TNRC6B: variants seen among roughly 807,000 people sequenced by gnomAD.
The protein encoded by TNRC6B is trinucleotide repeat-containing gene 6B protein.
Under a neutral mutation model 203.6 loss-of-function variants are expected in TNRC6B, and 52 were observed. The ratio of observed to expected loss-of-function variants is 0.26; its 90% CI spans 0.20 to 0.32. The LOEUF is 0.32. TNRC6B is among the 10% of genes least tolerant of loss of function. TNRC6B has a pLI of 1.00. For synonymous variants in TNRC6B, 838 were observed against 845.7 expected, an observed-to-expected ratio of 0.99 and a Z score of 0.16; for missense variants, 1,923 against 2,286.2, an observed-to-expected ratio of 0.84 and a Z score of 3.24.
chr22:40,067,314 C>A (rs1041389810), intron 1 of TNRC6B, among the ~76,000 whole-genome samples: 4 of 151,992 alleles, frequency 2.6e-5, no homozygotes, highest in African/African-American at 4.8e-5. Flanking sequence ...GTAGCATGAG[C>A]GCATATCTGT....
intron 1 of TNRC6B, among the ~76,000 whole-genome samples, chr22:40,179,021 T>C (rs1230310801): frequency 1.3e-5 from 2 of 152,220 alleles, no homozygotes; most frequent in East Asian, 1.9e-4. Flanking sequence ...ACTGAGTTTT[T>C]CAGCATAAAT....
intron 1 of TNRC6B, among the ~76,000 whole-genome samples, chr22:40,207,418 A>AAT (rs55644816): frequency 0.021 from 2,656 of 128,584 alleles, 55 homozygotes; most frequent in Middle Eastern, 0.055. Flanking sequence ...AAAAAAAAAA[A>AAT]ATATATATAT....
chr22:40,160,936 A>G (rs2146357803), intron 4 of TNRC6B, among the ~76,000 whole-genome samples: 1 of 152,072 alleles, frequency 6.6e-6, no homozygotes, highest in East Asian at 1.9e-4. Flanking sequence ...TTTATTGGCC[A>G]TTTATTTTTA....
intron 1 of TNRC6B, among the ~76,000 whole-genome samples, chr22:40,220,460 A>G (rs2069692601): frequency 6.7e-6 from 1 of 150,088 alleles, no homozygotes; most frequent in African/African-American, 2.4e-5. Context: ...AGTGACTTAG[A>G]TGGGAGATTG....
rs953542778 is a variant in TNRC6B at position 40,315,843 on chromosome 22, C to G, written c.4904-99C>G. 4 of 923,334 alleles carry G rather than the reference C, an allele frequency of 4.3e-6. 1 individual carries two copies. Among genetic ancestry groups the G allele is most frequent in the Non-Finnish European group, 6.7e-6 (4 of 594,476 alleles). The allele number at this position is 923,334 out of a possible 1,614,324, so 57.2% of individuals were successfully genotyped here. On this transcript the variant is annotated intron_variant, in intron 20 of 22. Coordinates refer to ENST00000454349, the MANE Select transcript of TNRC6B (RefSeq NM_001162501.2). ...CAGTGGAAAAGAGAATTTATAAAAG[C>G]AGAGAAGAAATGTGAGCTACATGAA...
intron 13 of TNRC6B, 68 bp from the exon 14 acceptor site, chr22:40,300,842 C>A (rs1195864012): frequency 1.3e-6 from 2 of 1,482,486 alleles, no homozygotes; most frequent in East Asian, 2.4e-5. Flanking sequence ...TGCACAGACC[C>A]TTTAGGTGTC....
At chr22:40,179,546 C>G (rs1227826861) in intron 1 of TNRC6B, among the ~76,000 whole-genome samples, 9 of 152,096 alleles carry the variant, frequency 5.9e-5, no homozygotes, top group Admixed American at 5.9e-4. Flanking sequence ...TGTCATATCC[C>G]CATCATTAAA....
At chr22:40,150,892 C>A (rs1172245931) in intron 3 of TNRC6B, among the ~76,000 whole-genome samples, 1 of 152,166 alleles carries the variant, frequency 6.6e-6, no homozygotes, top group African/African-American at 2.4e-5. Context: ...CCTTCCTGAT[C>A]ACCCTCCAGA....
intron 2 of TNRC6B, among the ~76,000 whole-genome samples, chr22:40,125,333 C>T (rs922770581): frequency 2.0e-5 from 3 of 152,066 alleles, no homozygotes; most frequent in East Asian, 1.9e-4. Flanking sequence ...ATTATAAGCC[C>T]GGGAAACCCT....
intron 10 of TNRC6B, among the ~76,000 whole-genome samples, chr22:40,280,804 T>C (rs2146522478): frequency 6.6e-6 from 1 of 152,314 alleles, no homozygotes; most frequent in East Asian, 1.9e-4. Flanking sequence ...CTGGCTTCTG[T>C]TTCAGCAGCC....
Position 40,298,082 on chromosome 22 carries a change from G to A in TNRC6B, c.3709-2373G>A, listed in dbSNP as rs189423979. On this transcript the variant is annotated intron_variant, in intron 12 of 22. Transcript: ENST00000454349. ...GGAGCTTGCAGTGAGCCGAGATTGCGCCACTGCACTCCAGCCTGAGCAACA... is the reference window on the plus strand; with the variant it reads ...GGAGCTTGCAGTGAGCCGAGATTGCACCACTGCACTCCAGCCTGAGCAACA... Among the ~76,000 whole-genome samples the A allele has an allele frequency of 1.3e-3, 189 of 146,714 alleles. 2 individuals are homozygous for A. Among genetic ancestry groups the A allele is most frequent in the Admixed American group, 7.3e-3 (108 of 14,826 alleles).
intron 3 of TNRC6B, among the ~76,000 whole-genome samples, chr22:40,151,546 AAAAAAAG>A (rs1320340006): frequency 2.7e-4 from 17 of 63,168 alleles, no homozygotes; most frequent in South Asian, 1.8e-3. Context: ...TCAAAAAAAA[AAAAAAAG>A]AAAAAAGAAA....
intron 1 of TNRC6B, among the ~76,000 whole-genome samples, chr22:40,242,493 C>T (rs111341972): frequency 2.0e-5 from 3 of 150,010 alleles, no homozygotes; most frequent in African/African-American, 4.9e-5. Flanking sequence ...TGCAGTGGCA[C>T]GATTTCGGCC....
At chr22:40,273,400 G>T in intron 6 of TNRC6B, 25 bp from the exon 7 acceptor site, 1 of 1,570,494 alleles carries the variant, frequency 6.4e-7, no homozygotes, top group Admixed American at 1.9e-5. Flanking sequence ...CTGTTGCAAA[G>T]AGTTAATTCA....
chr22:40,100,555 A>G (rs2068230519), intron 1 of TNRC6B, among the ~76,000 whole-genome samples: 1 of 152,156 alleles, frequency 6.6e-6, no homozygotes, highest in Admixed American at 6.5e-5. Flanking sequence ...ATTAAAAAAA[A>G]AAATTTATAG....
chr22:40,326,023 A>G lies in TNRC6B; in HGVS notation c.*2782A>G, dbSNP rs1232164202. The G allele has an allele frequency of 3.3e-5, 5 of 152,322 alleles. No individual in the cohort carries two copies. The highest frequency in any genetic ancestry group is 7.4e-5 in the Non-Finnish European group (5 of 68,002). The allele number at this position is 152,322 out of a possible 1,614,324, so 9.4% of individuals were successfully genotyped here. On this transcript the variant is annotated 3_prime_UTR_variant, in exon 23 of 23. Transcript: ENST00000454349. Reference sequence around the variant, plus strand: ...AAGCTTAAAGGGAAAAAAACTAAAAACTTTAAAAAAAAAAGACCAAAAAGT... The same window carrying G: ...AAGCTTAAAGGGAAAAAAACTAAAAGCTTTAAAAAAAAAAGACCAAAAAGT...
At chr22:40,183,086 G>A (rs135636) in intron 1 of TNRC6B, among the ~76,000 whole-genome samples, 152,137 of 152,266 alleles carry the variant, frequency 1, 76,004 homozygotes, top group Middle Eastern at 1. Flanking sequence ...TGGCAGGAGT[G>A]GATGTTGAGT....
chr22:40,099,829 C>A (rs2068218809), intron 1 of TNRC6B, among the ~76,000 whole-genome samples: 1 of 152,114 alleles, frequency 6.6e-6, no homozygotes, highest in Non-Finnish European at 1.5e-5. Flanking sequence ...CAGCTCACTA[C>A]AAGCTCCGCC....
At chr22:40,246,250 C>T (rs936198783) in intron 2 of TNRC6B, 148 bp downstream of exon 2, 5 of 531,642 alleles carry the variant, frequency 9.4e-6, no homozygotes, top group African/African-American at 2.0e-5. Context: ...AGTGCAGTGG[C>T]GTGATCTTGG....
Sources: allele counts gnomAD v4.1 joint callset (sites outside exome capture counted in the v4.1 genomes callset), GRCh38; gene constraint gnomAD v4.1.1; transcripts MANE v1.5; gene names NCBI Gene and HGNC (gene_info 2026-07-23, HGNC 2026-07-21).